The following HTRA3 variants were observed in gnomAD, a reference collection of about 807,000 sequenced individuals.
HTRA3 encodes the protein HtrA serine peptidase 3, also known as serine protease HTRA3.
A neutral mutation model predicts 43.2 loss-of-function variants in HTRA3; 41 were observed. The observed-to-expected ratio is 0.95, with a 90% CI of 0.74 to 1.23. The LOEUF (loss-of-function observed/expected upper bound fraction) is 1.23, where lower values mean the gene tolerates loss of function less well. Among genes scored for constraint, HTRA3 ranks in the 50% most tolerant of loss-of-function variants. HTRA3 has a pLI of 0.00. For missense variants in HTRA3, 628 were observed against 647.1 expected (o/e 0.97, Z 0.32); for synonymous variants, 295 against 287.9 (o/e 1.02, Z -0.25).
intron 7 of HTRA3, 103 bp downstream of exon 7, chr4:8,302,614 G>T (rs1713702436): frequency 3.7e-6 from 4 of 1,073,914 alleles, no homozygotes; most frequent in Non-Finnish European, 5.7e-6. Flanking sequence ...CCTTGCAGGT[G>T]CCCAGACGGG....
intron 1 of HTRA3, among the ~76,000 whole-genome samples, chr4:8,277,104 T>C (rs1712560236): frequency 6.6e-6 from 1 of 152,162 alleles, no homozygotes; most frequent in African/African-American, 2.4e-5. Flanking sequence ...AACAGGTCTC[T>C]GGGCTTGAGG....
intron 4 of HTRA3, 33 bp downstream of exon 4, chr4:8,291,597 G>T: frequency 6.8e-7 from 1 of 1,472,170 alleles, no homozygotes; most frequent in Non-Finnish European, 9.1e-7. Flanking sequence ...CGGGGCACCT[G>T]CCATCTGTGC....
intron 7 of HTRA3, 130 bp from the exon 8 acceptor site, chr4:8,304,054 G>A (rs4696800): frequency 1.5e-6 from 1 of 648,364 alleles, no homozygotes; most frequent in South Asian, 1.9e-5. Context: ...CCAGTGGTGG[G>A]ACAGGGCAGT....
chr4:8,296,539 C>T lies in HTRA3; in HGVS notation c.1051+2338C>T. On this transcript the variant is annotated intron_variant, in intron 6 of 8. Coordinates refer to ENST00000307358, the MANE Select transcript of HTRA3 (RefSeq NM_053044.5). The surrounding 1 kb of genome is among the most constrained non-coding windows in gnomAD (Gnocchi z 5.3). The stretch of plus-strand genomic sequence containing the variant: ...TATTAAATCAAGGAGATGTTAAGTG[C>T]ATTTATTATTCTCGTCTGGAGGTGG... The T allele has an allele frequency of 4.1e-6, 4 of 984,846 alleles. No homozygotes were observed. Among genetic ancestry groups the T allele is most frequent in the Non-Finnish European group, 4.8e-6 (4 of 829,446 alleles). 61.0% of individuals were successfully genotyped at this position (984,846 alleles called of 1,614,324 possible). A position where few individuals can be genotyped will look rare whatever the true frequency, so the allele number is the denominator to read the frequency against.
In HTRA3 at chr4:8,306,226, T is replaced by G; in HGVS notation, c.*90T>G. ...GATCAGGACGAAGGACCACCGTCGGTCCTCAGCAGGGCGGCAGCCTCCTCC... is the reference window on the plus strand; with the variant it reads ...GATCAGGACGAAGGACCACCGTCGGGCCTCAGCAGGGCGGCAGCCTCCTCC... On this transcript the variant is annotated 3_prime_UTR_variant, in exon 9 of 9. Transcript: ENST00000307358. This position sits in a 1 kb window ranked among gnomAD's most constrained non-coding sequence, Gnocchi z 8.9. The G allele has an allele frequency of 6.6e-6, 9 of 1,369,368 alleles. No homozygotes were observed. Among genetic ancestry groups the G allele is most frequent in the Non-Finnish European group, 8.7e-6 (9 of 1,028,882 alleles). 84.8% of individuals were successfully genotyped at this position (1,369,368 alleles called of 1,614,324 possible).
rs1007929016 is a variant in HTRA3, at chr4:8,297,789, G to T, written c.1051+3588G>T. Among the ~76,000 whole-genome samples the T allele has an allele frequency of 1.3e-5, 2 of 152,092 alleles. No homozygotes were observed. The highest frequency in any genetic ancestry group is 1.3e-4 in the Admixed American group (2 of 15,276). On this transcript the variant is annotated intron_variant, in intron 6 of 8. Transcript: ENST00000307358. The surrounding 1 kb of genome is among the most constrained non-coding windows in gnomAD (Gnocchi z 5.8). ...GTGATCCCCCGGATTTACGCCTCCA[G>T]CCTGGCCCCTCCTGCTCCAGGCTCA...
chr4:8,274,030 G>A (rs1023135103), intron 1 of HTRA3, among the ~76,000 whole-genome samples: 1 of 152,122 alleles, frequency 6.6e-6, no homozygotes, highest in African/African-American at 2.4e-5. Flanking sequence ...ACAGCAGCCA[G>A]GATCACCTTG....
rs1377918822 is a variant in HTRA3, at chr4:8,270,431, C to T, written c.385+78C>T. ...TAAGGCCGGGAGTTAGGGCCGAGCT[C>T]GAGGTCGCCCTTCCCTGGGCACCAC... On this transcript the variant is annotated intron_variant, in intron 1 of 8. Transcript: ENST00000307358. 4.5e-6 allele frequency: 6 copies of T among 1,340,094 alleles called. No individual in the cohort carries two copies. The Admixed American group carries it at 2.0e-4, about 46-fold the overall frequency. The allele number at this position is 1,340,094 out of a possible 1,614,324, so 83.0% of individuals were successfully genotyped here.
At chr4:8,281,609 C>T (rs893890106) in intron 1 of HTRA3, among the ~76,000 whole-genome samples, 2 of 152,218 alleles carry the variant, frequency 1.3e-5, no homozygotes, top group African/African-American at 2.4e-5. Context: ...TCGGGAGCCA[C>T]GAGCGAGGCT....
chr4:8,286,457 C>G lies in HTRA3; in HGVS notation c.486-104C>G. ...GGACTCCAGACCTGTGTTCTGTCAG[C>G]CACACACTGGCTCTGCTCCTCGCTG... is the stretch of plus-strand genomic sequence containing the variant. On this transcript the variant is annotated intron_variant, in intron 2 of 8. Coordinates refer to ENST00000307358, the MANE Select transcript of HTRA3 (RefSeq NM_053044.5). This position sits in a 1 kb window ranked among gnomAD's most constrained non-coding sequence, Gnocchi z 4.9. 1 of 905,878 alleles carries G rather than the reference C, an allele frequency of 1.1e-6. No individual in the cohort carries two copies. The highest frequency in any genetic ancestry group is 1.8e-6 in the Non-Finnish European group (1 of 558,694). The allele number at this position is 905,878 out of a possible 1,614,324, so 56.1% of individuals were successfully genotyped here.
intron 6 of HTRA3, among the ~76,000 whole-genome samples, chr4:8,300,947 TTCACACTCAGCTTTATTATTGAG>T (rs879753569): frequency 6.6e-6 from 1 of 150,762 alleles, no homozygotes; most frequent in South Asian, 2.1e-4. Context: ...TTATTATTGA[TTCACACTCAGCTTTATTATTGAG>T]TCACACTCAT....
intron 6 of HTRA3, among the ~76,000 whole-genome samples, chr4:8,298,370 G>A (rs1713529904): frequency 6.6e-6 from 1 of 152,190 alleles, no homozygotes; most frequent in African/African-American, 2.4e-5. Context: ...CTTACTAGTA[G>A]GTTGTGAGAG....
intron 7 of HTRA3, among the ~76,000 whole-genome samples, chr4:8,303,494 A>G (rs1380271195): frequency 5.3e-5 from 8 of 152,230 alleles, no homozygotes; most frequent in Admixed American, 5.2e-4. Context: ...GGTTTGAAGA[A>G]GGGAGAGGTC....
chr4:8,302,480 A>G lies in HTRA3; in HGVS notation c.1069A>G (p.Ile357Val), dbSNP rs1429539904. The G allele has an allele frequency of 1.2e-6, 2 of 1,614,128 alleles. No individual in the cohort carries two copies. Among genetic ancestry groups the G allele is most frequent in the South Asian group, 2.2e-5 (2 of 91,074 alleles). Residue 357 changes from isoleucine to valine, a missense_variant, in exon 7 of 9, where the codon ATC (isoleucine) becomes GTC (valine). Transcript: ENST00000307358. ...KQIKDWKKRFIGIRMRTITPS... is the reference protein window; with the variant it reads ...KQIKDWKKRFVGIRMRTITPS... ...ATTTCCAGACTGGAAGAAGCGCTTC[A>G]TCGGCATACGGATGCGGACGATCAC...
chr4:8,272,926 G>A (rs1406838975), intron 1 of HTRA3, among the ~76,000 whole-genome samples: 2 of 152,244 alleles, frequency 1.3e-5, no homozygotes, highest in Admixed American at 6.5e-5. Flanking sequence ...CTGTAGCCCG[G>A]TGCACGGGGA....
In HTRA3 at chr4:8,305,856, A is replaced by G. The variant is rs566073725; in HGVS notation, c.1197-115A>G. The G allele has an allele frequency of 4.5e-5, 51 of 1,132,880 alleles. 2 individuals are homozygous for G. The South Asian group carries it at 6.8e-4, about 15-fold the overall frequency. The allele number at this position is 1,132,880 out of a possible 1,614,324, so 70.2% of individuals were successfully genotyped here. A position where few individuals can be genotyped will look rare whatever the true frequency, so the allele number is the denominator to read the frequency against. The stretch of plus-strand genomic sequence containing the variant: ...TGGGGCACTGTTCTTTCCCATCGAG[A>G]TGACTTTTGTTGAAATGTTGTCATT... On this transcript the variant is annotated intron_variant, in intron 8 of 8. Coordinates refer to ENST00000307358, the MANE Select transcript of HTRA3 (RefSeq NM_053044.5).
intron 3 of HTRA3, among the ~76,000 whole-genome samples, chr4:8,289,749 C>T (rs1713153328): frequency 6.6e-6 from 1 of 152,122 alleles, no homozygotes; most frequent in African/African-American, 2.4e-5. Context: ...TCCTTGGGTG[C>T]AGGGAGGATG....
intron 8 of HTRA3, among the ~76,000 whole-genome samples, chr4:8,305,237 G>A (rs371660893): frequency 5.1e-4 from 78 of 152,364 alleles, no homozygotes; most frequent in African/African-American, 1.8e-3. Context: ...GCTTGAAGGT[G>A]GGAGGCCCCG....
intron 2 of HTRA3, among the ~76,000 whole-genome samples, chr4:8,285,156 ACACAGACACACT>A (rs1310886823): frequency 3.9e-5 from 6 of 152,222 alleles, no homozygotes; most frequent in African/African-American, 1.4e-4. Flanking sequence ...CTTAAAGACA[ACACAGACACACT>A]CTGATGTCAC....
Sources: gnomAD v4.1 joint callset for allele counts (sites outside exome capture counted in the v4.1 genomes callset) on GRCh38, gnomAD v4.1.1 for gene constraint, Gnocchi (gnomAD v3.1) non-coding constraint, MANE v1.5 for transcripts, NCBI Gene and HGNC (gene_info 2026-07-23, HGNC 2026-07-21) for gene names.